Variants in IQCH observed in about 807,000 individuals in gnomAD.
IQCH encodes IQ motif containing H.
Under a neutral mutation model 117.0 loss-of-function variants are expected in IQCH, and 98 were observed. The ratio of observed to expected loss-of-function variants is 0.84; its 90% CI spans 0.71 to 0.99. IQCH has a LOEUF of 0.99. IQCH is among the 50% of genes least tolerant of loss of function. The probability of loss-of-function intolerance (pLI) is 0.00; values close to 1 mark genes in which losing one functional copy is unlikely to be tolerated. For synonymous variants in IQCH, 412 were observed against 448.2 expected (o/e 0.92, Z 1.02); for missense variants, 1,102 against 1,243.8 (o/e 0.89, Z 1.72).
intron 18 of IQCH, among the ~76,000 whole-genome samples, chr15:67,488,234 C>T (rs1002441383): frequency 6.6e-6 from 1 of 152,160 alleles, no homozygotes; most frequent in Admixed American, 6.5e-5. Flanking sequence ...GGGAGGATCA[C>T]CTGAACTTGG....
chr15:67,266,213 G>A (rs1177027792), intron 3 of IQCH, among the ~76,000 whole-genome samples: 1 of 151,322 alleles, frequency 6.6e-6, no homozygotes, highest in Non-Finnish European at 1.5e-5. Flanking sequence ...GTAAGATAAA[G>A]ATAAAATAAG....
intron 3 of IQCH, among the ~76,000 whole-genome samples, chr15:67,274,254 T>C (rs1336845434): frequency 6.6e-6 from 1 of 152,214 alleles, no homozygotes; most frequent in Non-Finnish European, 1.5e-5. Context: ...AAATAAGCTT[T>C]CTACCCCTTA....
At position 67,416,156 on chromosome 15, in the gene IQCH, G is replaced by C. The variant is rs922096888; in HGVS notation, c.2098-775G>C. Among the ~76,000 whole-genome samples the C allele has an allele frequency of 6.6e-6, 1 of 152,190 alleles. No individual in the cohort carries two copies. Among genetic ancestry groups the C allele is most frequent in the Non-Finnish European group, 1.5e-5 (1 of 68,028 alleles). On this transcript the variant is annotated intron_variant, in intron 14 of 20. Transcript: ENST00000335894. This position sits in a 1 kb window ranked among gnomAD's most constrained non-coding sequence, Gnocchi z 5.1. ...CCAACACTTTGGGAGGCCAAGGCGG[G>C]TGGATCACCTGAGGTCAGGAGTTCG...
intron 8 of IQCH, among the ~76,000 whole-genome samples, chr15:67,361,595 G>A (rs956702317): frequency 6.6e-6 from 1 of 152,100 alleles, no homozygotes; most frequent in Admixed American, 6.5e-5. Flanking sequence ...ATGTATACAG[G>A]TAATCAGTTT....
chr15:67,452,634 C>G (rs1424572683), intron 16 of IQCH, among the ~76,000 whole-genome samples: 1 of 152,206 alleles, frequency 6.6e-6, no homozygotes, highest in South Asian at 2.1e-4. Context: ...GTAACCCGAC[C>G]TTTCTCTCTG....
chr15:67,334,728 C>T (rs1008120688), intron 4 of IQCH, among the ~76,000 whole-genome samples: 3 of 152,182 alleles, frequency 2.0e-5, no homozygotes, highest in African/African-American at 7.2e-5. Context: ...TTCTAATATA[C>T]AGCCAGGGCT....
chr15:67,483,283 G>A (rs1399348373), intron 18 of IQCH, among the ~76,000 whole-genome samples: 2 of 152,242 alleles, frequency 1.3e-5, no homozygotes, highest in African/African-American at 4.8e-5. Flanking sequence ...CACTTTGGGA[G>A]GTTGAGGTGG....
At chr15:67,483,241 C>T (rs1244247393) in intron 18 of IQCH, among the ~76,000 whole-genome samples, 2 of 152,176 alleles carry the variant, frequency 1.3e-5, no homozygotes, top group African/African-American at 4.8e-5. Context: ...AACAGAAGGG[C>T]CAGGCACAGT....
chr15:67,303,268 G>T (rs1027825832), intron 4 of IQCH, among the ~76,000 whole-genome samples: 3 of 152,138 alleles, frequency 2.0e-5, no homozygotes, highest in African/African-American at 7.2e-5. Context: ...ATTACTGGTT[G>T]CCTGGAACTA....
chr15:67,423,287 T>G (rs1283650310), intron 16 of IQCH, among the ~76,000 whole-genome samples: 1 of 152,098 alleles, frequency 6.6e-6, no homozygotes, highest in Non-Finnish European at 1.5e-5. Flanking sequence ...AAAGATTGGC[T>G]GGGTGTGGTG....
At chr15:67,440,253 G>C (rs1269795579) in intron 16 of IQCH, among the ~76,000 whole-genome samples, 1 of 152,120 alleles carries the variant, frequency 6.6e-6, no homozygotes, top group Non-Finnish European at 1.5e-5. Flanking sequence ...AAAAGTCCAA[G>C]ACCAGACGTA....
At position 67,359,910 on chromosome 15, in the gene IQCH, A is replaced by G. The variant is rs772543592; in HGVS notation, c.753+25A>G. 1.3e-6 allele frequency: 2 copies of G among 1,581,202 alleles called. No homozygotes were observed. Among genetic ancestry groups the G allele is most frequent in the Non-Finnish European group, 8.7e-7 (1 of 1,154,902 alleles). On this transcript the variant is annotated intron_variant, in intron 8 of 20. Transcript: ENST00000335894. This position sits in a 1 kb window ranked among gnomAD's most constrained non-coding sequence, Gnocchi z 4.5. The stretch of plus-strand genomic sequence containing the variant: ...GGTCTGTAATTTGTGTGACTAGTTG[A>G]AATTTAGGGTCTGTCACCTGATGTC...
At chr15:67,314,374 C>T (rs1306026387) in intron 4 of IQCH, among the ~76,000 whole-genome samples, 1 of 151,772 alleles carries the variant, frequency 6.6e-6, no homozygotes, top group Non-Finnish European at 1.5e-5. Flanking sequence ...CCCCAACTCC[C>T]TTGTCTTCCC....
At chr15:67,334,251 AG>A (rs1235386139) in intron 4 of IQCH, among the ~76,000 whole-genome samples, 3 of 152,162 alleles carry the variant, frequency 2.0e-5, no homozygotes, top group Non-Finnish European at 2.9e-5. Context: ...CATGACAAAA[AG>A]AAGAAGCCAC....
intron 18 of IQCH, among the ~76,000 whole-genome samples, chr15:67,483,564 A>G (rs925386719): frequency 6.6e-6 from 1 of 152,226 alleles, no homozygotes; most frequent in African/African-American, 2.4e-5. Flanking sequence ...GGTGAGTGTC[A>G]TATTCCCCCA....
intron 16 of IQCH, among the ~76,000 whole-genome samples, chr15:67,462,638 G>A (rs1048597412): frequency 6.6e-6 from 1 of 151,336 alleles, no homozygotes; most frequent in Non-Finnish European, 1.5e-5. Flanking sequence ...CTGACTCCGT[G>A]GTTCTCACTC....
At chr15:67,485,660 TTTTTTA>T (rs2083453922) in intron 18 of IQCH, among the ~76,000 whole-genome samples, 1 of 152,202 alleles carries the variant, frequency 6.6e-6, no homozygotes. Flanking sequence ...GAAAATCTTT[TTTTTTA>T]TTTTTATTTT....
intron 16 of IQCH, among the ~76,000 whole-genome samples, chr15:67,452,086 C>T (rs2082541421): frequency 6.6e-6 from 1 of 152,120 alleles, no homozygotes; most frequent in Non-Finnish European, 1.5e-5. Context: ...GGTAGATCTT[C>T]CTCCATCCTT....
chr15:67,438,831 AG>A (rs1209147478), intron 16 of IQCH, among the ~76,000 whole-genome samples: 3 of 152,250 alleles, frequency 2.0e-5, no homozygotes, highest in Non-Finnish European at 4.4e-5. Flanking sequence ...ATAATGGTAA[AG>A]GACCTTGTCC....
Sources: allele counts gnomAD v4.1 joint callset (sites outside exome capture counted in the v4.1 genomes callset), GRCh38; gene constraint gnomAD v4.1.1; non-coding constraint Gnocchi (gnomAD v3.1); transcripts MANE v1.5; gene names NCBI Gene and HGNC (gene_info 2026-07-23, HGNC 2026-07-21).